Variants in ARB2A observed in about 807,000 individuals in gnomAD.
ARB2A encodes the protein ARB2 cotranscriptional regulator A.
At chr5:94,024,413 CAT>C in the ARB2A span, among the ~76,000 whole-genome samples, 5 of 152,142 alleles carry the variant, frequency 3.3e-5, no homozygotes, top group Non-Finnish European at 5.9e-5. Flanking sequence ...TCCATAATCA[CAT>C]GAGCCAATTC....
At chr5:93,899,760 G>A in the ARB2A span, among the ~76,000 whole-genome samples, 4 of 152,096 alleles carry the variant, frequency 2.6e-5, no homozygotes, top group Non-Finnish European at 2.9e-5. Flanking sequence ...AGAAGAAGCC[G>A]GTTAAATGTC....
chr5:94,103,761 A>G, the ARB2A span, among the ~76,000 whole-genome samples: 4 of 149,290 alleles, frequency 2.7e-5, no homozygotes, highest in African/African-American at 9.9e-5. Context: ...AATATTGACC[A>G]CACACTCAGC....
At chr5:93,671,728 G>A in the ARB2A span, among the ~76,000 whole-genome samples, 1 of 151,974 alleles carries the variant, frequency 6.6e-6, no homozygotes, top group Admixed American at 6.6e-5. Context: ...AAAAAGTTTG[G>A]AAAAAATACC....
At chr5:94,017,355 A>G in the ARB2A span, among the ~76,000 whole-genome samples, 3 of 152,218 alleles carry the variant, frequency 2.0e-5, no homozygotes, top group Non-Finnish European at 2.9e-5. Flanking sequence ...CAGGAGCCCA[A>G]TGTGCTGTGT....
the ARB2A span, among the ~76,000 whole-genome samples, chr5:93,771,114 T>A: frequency 4.6e-5 from 7 of 152,134 alleles, no homozygotes; most frequent in Admixed American, 3.9e-4. Flanking sequence ...GAGAAACAGA[T>A]CAATGAAACA....
At chr5:93,806,060 A>C in the ARB2A span, 1 of 481,090 alleles carries the variant, frequency 2.1e-6, no homozygotes, top group Non-Finnish European at 2.7e-6. Context: ...AGACAAGTAA[A>C]TTATGCAAGA....
the ARB2A span, among the ~76,000 whole-genome samples, chr5:93,720,021 G>A: frequency 1.3e-4 from 20 of 152,166 alleles, no homozygotes; most frequent in Non-Finnish European, 2.6e-4. Flanking sequence ...CCGTCATGCC[G>A]TTTCCTTTTC....
the ARB2A span, among the ~76,000 whole-genome samples, chr5:93,915,093 T>C: frequency 6.6e-6 from 1 of 152,016 alleles, no homozygotes; most frequent in Non-Finnish European, 1.5e-5. Flanking sequence ...GTTACTCTTT[T>C]TACTAAATCG....
chr5:93,707,287 G>A, the ARB2A span, among the ~76,000 whole-genome samples: 596 of 152,250 alleles, frequency 3.9e-3, 6 homozygotes, highest in Non-Finnish European at 5.0e-3. Context: ...ATGTCCAAAA[G>A]CAGCCAGGTT....
chr5:93,630,921 C>T, the ARB2A span, among the ~76,000 whole-genome samples: 1 of 152,078 alleles, frequency 6.6e-6, no homozygotes, highest in Admixed American at 6.5e-5. Flanking sequence ...ACAGGGTCGT[C>T]TTGCTTTGTC....
chr5:93,627,341 A>G, the ARB2A span, among the ~76,000 whole-genome samples: 5 of 152,164 alleles, frequency 3.3e-5, no homozygotes, highest in African/African-American at 1.2e-4. Flanking sequence ...AATAGAAGCT[A>G]GAATGGTGAA....
the ARB2A span, among the ~76,000 whole-genome samples, chr5:93,978,098 CAA>C: frequency 6.6e-6 from 1 of 151,976 alleles, no homozygotes; most frequent in Non-Finnish European, 1.5e-5. Flanking sequence ...GGCTGTTATT[CAA>C]AAGTTAGAAA....
At chr5:93,934,721 G>T in the ARB2A span, among the ~76,000 whole-genome samples, 1 of 152,148 alleles carries the variant, frequency 6.6e-6, no homozygotes, top group African/African-American at 2.4e-5. Context: ...CTATCCTGCA[G>T]CCACTTTGTA....
At chr5:94,073,319 A>G in the ARB2A span, among the ~76,000 whole-genome samples, 3 of 152,072 alleles carry the variant, frequency 2.0e-5, no homozygotes, top group Non-Finnish European at 4.4e-5. Flanking sequence ...TATTATTCCT[A>G]TAGTACAGAT....
chr5:93,871,091 T>C, the ARB2A span, among the ~76,000 whole-genome samples: 1 of 152,220 alleles, frequency 6.6e-6, no homozygotes, highest in Admixed American at 6.5e-5. Context: ...AAACAACTGA[T>C]GGTATTTGTG....
At chr5:93,707,551 T>C in the ARB2A span, among the ~76,000 whole-genome samples, 4 of 151,610 alleles carry the variant, frequency 2.6e-5, no homozygotes, top group Non-Finnish European at 5.9e-5. Context: ...ACTAAAAAGT[T>C]TTTCTTTTCT....
the ARB2A span, among the ~76,000 whole-genome samples, chr5:93,927,654 G>A: frequency 6.6e-6 from 1 of 152,064 alleles, no homozygotes; most frequent in Non-Finnish European, 1.5e-5. Flanking sequence ...TCTGACTCTT[G>A]TTCTCTCAAT....
chr5:94,016,455 A>G, the ARB2A span, among the ~76,000 whole-genome samples: 1 of 152,240 alleles, frequency 6.6e-6, no homozygotes, highest in African/African-American at 2.4e-5. Flanking sequence ...TAATGTAAAC[A>G]TGCAGTAAAC....
chr5:93,911,935 T>C, the ARB2A span, among the ~76,000 whole-genome samples: 2 of 151,704 alleles, frequency 1.3e-5, no homozygotes, highest in African/African-American at 2.4e-5. Context: ...ACAGCACATA[T>C]ACTCTTTCTC....
Sources: gnomAD v4.1 joint callset for allele counts (sites outside exome capture counted in the v4.1 genomes callset) on GRCh38, gnomAD v4.1.1 for gene constraint, MANE v1.5 for transcripts, NCBI Gene and HGNC (gene_info 2026-07-23, HGNC 2026-07-21) for gene names.